PDE8B: variants seen among roughly 807,000 people sequenced by gnomAD.
PDE8B encodes phosphodiesterase 8B, also known as high affinity cAMP-specific and IBMX-insensitive 3',5'-cyclic phosphodiesterase 8B.
Under a neutral mutation model 101.3 loss-of-function variants are expected in PDE8B, and 26 were observed. The observed-to-expected ratio is 0.26, with a 90% CI of 0.19 to 0.36. The LOEUF (loss-of-function observed/expected upper bound fraction) is 0.36, where lower values mean the gene tolerates loss of function less well. Ranked by LOEUF, PDE8B falls within the 10% of genes least tolerant of loss-of-function variation. The pLI is 1.00. For missense variants in PDE8B, 810 were observed against 1,163.1 expected (o/e 0.70, Z 4.42); for synonymous variants, 424 against 429.3 (o/e 0.99, Z 0.15).
the PDE8B span, chr5:77,147,434 C>G: frequency 6.5e-6 from 1 of 152,992 alleles, no homozygotes; most frequent in South Asian, 2.1e-4. Flanking sequence ...TCTTAGTGCA[C>G]AGCACAAATT....
At chr5:77,115,424 G>A in the PDE8B span, 2 of 152,172 alleles carry the variant, frequency 1.3e-5, no homozygotes, top group African/African-American at 4.8e-5. Flanking sequence ...TCATCTTTCT[G>A]ATGGAGAATA....
the PDE8B span, chr5:77,105,964 C>T: frequency 6.6e-6 from 1 of 152,178 alleles, no homozygotes; most frequent in Non-Finnish European, 1.5e-5. Flanking sequence ...ATTAGTCATT[C>T]ATATACCTCC....
the PDE8B span, among the ~76,000 whole-genome samples, chr5:77,170,296 A>G: frequency 6.6e-6 from 1 of 152,220 alleles, no homozygotes; most frequent in Non-Finnish European, 1.5e-5. Flanking sequence ...GCCAGGTACA[A>G]TATTAAGTCT....
At chr5:77,161,572 C>A in the PDE8B span, among the ~76,000 whole-genome samples, 1 of 151,972 alleles carries the variant, frequency 6.6e-6, no homozygotes, top group South Asian at 2.1e-4. Context: ...GAGTACAAAT[C>A]CTTTTGTGGA....
chr5:77,346,289 G>A (rs370324621), intron 7 of PDE8B, among the ~76,000 whole-genome samples: 325 of 152,262 alleles, frequency 2.1e-3, no homozygotes, highest in African/African-American at 6.9e-3. Flanking sequence ...AGAGCCAGAC[G>A]TGTTTCTGTT....
chr5:77,137,462 A>C, the PDE8B span, among the ~76,000 whole-genome samples: 653 of 152,344 alleles, frequency 4.3e-3, 5 homozygotes, highest in Middle Eastern at 0.014. Context: ...AAGAAGAAAC[A>C]GATATGAGAT....
chr5:77,361,631 C>T (rs1469010327), intron 10 of PDE8B, among the ~76,000 whole-genome samples: 2 of 152,026 alleles, frequency 1.3e-5, no homozygotes, highest in Admixed American at 1.3e-4. Flanking sequence ...TCTCCCGCCT[C>T]AGCCTCCCAA....
chr5:77,211,093 C>T lies in PDE8B; in HGVS notation c.168C>T (p.Ser56=). Residue 56 remains serine (S), a synonymous_variant, in exon 1 of 22, where the codon AGC becomes AGT. Transcript: ENST00000264917. This position sits in a 1 kb window ranked among gnomAD's most constrained non-coding sequence, Gnocchi z 4.1. ...ACGCCGCCGACGCCATCCCCCCGAG[C>T]CGCGCGTCGGGACCCCCCAGCGTAG... ...QTDAADAIPP[S]RASGPPSVAR... is the part of the protein sequence containing the mutation. 1 of 1,493,408 alleles carries T rather than the reference C, an allele frequency of 6.7e-7. No individual in the cohort carries two copies. Among genetic ancestry groups the T allele is most frequent in the Non-Finnish European group, 8.9e-7 (1 of 1,128,192 alleles). The allele number at this position is 1,493,408 out of a possible 1,614,324, so 92.5% of individuals were successfully genotyped here.
chr5:77,167,020 G>C, the PDE8B span: 2 of 152,176 alleles, frequency 1.3e-5, no homozygotes, highest in Admixed American at 1.3e-4. Context: ...TTGGTCCCTA[G>C]CACAAAGTAG....
chr5:77,188,490 G>A, the PDE8B span, among the ~76,000 whole-genome samples: 2 of 152,112 alleles, frequency 1.3e-5, no homozygotes, highest in Non-Finnish European at 2.9e-5. Flanking sequence ...TTAAGGAAGG[G>A]CATTTTGGAT....
chr5:77,422,099 C>G, intron 20 of PDE8B, 111 bp downstream of exon 20: 1 of 1,172,750 alleles, frequency 8.5e-7, no homozygotes, highest in Non-Finnish European at 1.2e-6. Context: ...TAGTTAACCA[C>G]TCCTCCCTGG....
chr5:77,160,248 AT>A, the PDE8B span, among the ~76,000 whole-genome samples: 5 of 152,234 alleles, frequency 3.3e-5, no homozygotes, highest in Non-Finnish European at 5.9e-5. Context: ...GTTTAAAAAA[AT>A]AATCAATTTT....
intron 2 of PDE8B, among the ~76,000 whole-genome samples, chr5:77,318,669 G>A (rs1774367537): frequency 6.6e-6 from 1 of 152,042 alleles, no homozygotes; most frequent in African/African-American, 2.4e-5. Flanking sequence ...ACTTTCCTAG[G>A]GACATTTAAG....
the PDE8B span, among the ~76,000 whole-genome samples, chr5:77,115,911 A>C: frequency 6.6e-6 from 1 of 152,202 alleles, no homozygotes; most frequent in Non-Finnish European, 1.5e-5. Flanking sequence ...GAACAATTTC[A>C]TTCAAGAAGG....
At chr5:77,090,408 G>C in the PDE8B span, among the ~76,000 whole-genome samples, 1 of 152,038 alleles carries the variant, frequency 6.6e-6, no homozygotes, top group South Asian at 2.1e-4. Flanking sequence ...GGGACTAAGG[G>C]AACTACAGGC....
At chr5:77,262,889 A>G (rs1760917561) in intron 1 of PDE8B, among the ~76,000 whole-genome samples, 1 of 152,220 alleles carries the variant, frequency 6.6e-6, no homozygotes, top group African/African-American at 2.4e-5. Context: ...AACTGGTTTC[A>G]CAAGGCTGAG....
the PDE8B span, among the ~76,000 whole-genome samples, chr5:77,120,335 G>A: frequency 9.2e-5 from 14 of 152,156 alleles, no homozygotes; most frequent in Non-Finnish European, 1.8e-4. Flanking sequence ...AGGAGTTTGG[G>A]TTACACATGT....
At chr5:77,380,293 T>C (rs912186841) in intron 10 of PDE8B, among the ~76,000 whole-genome samples, 1 of 152,240 alleles carries the variant, frequency 6.6e-6, no homozygotes, top group Non-Finnish European at 1.5e-5. Context: ...TCTTTTTGTT[T>C]TTAAAATAAC....
intron 1 of PDE8B, among the ~76,000 whole-genome samples, chr5:77,281,210 C>G (rs1764914017): frequency 6.6e-6 from 1 of 152,204 alleles, no homozygotes; most frequent in Admixed American, 6.5e-5. Flanking sequence ...CATTCCTGAA[C>G]CTAACTGGTT....
Sources: gnomAD v4.1 joint callset for allele counts (sites outside exome capture counted in the v4.1 genomes callset) on GRCh38, gnomAD v4.1.1 for gene constraint, Gnocchi (gnomAD v3.1) non-coding constraint, MANE v1.5 for transcripts, NCBI Gene and HGNC (gene_info 2026-07-23, HGNC 2026-07-21) for gene names.